Variants in PARP8 observed in about 807,000 individuals in gnomAD.
The protein encoded by PARP8 is protein mono-ADP-ribosyltransferase PARP8.
A neutral mutation model predicts 124.1 loss-of-function variants in PARP8; 51 were observed. The observed-to-expected ratio is 0.41, with a 90% CI of 0.33 to 0.52. PARP8 has a LOEUF of 0.52. Among genes scored for constraint, PARP8 ranks in the 20% least tolerant of loss-of-function variants. The pLI, the probability that PARP8 is intolerant of heterozygous loss-of-function variation, is 0.21. For synonymous variants in PARP8, 391 were observed against 361.5 expected (o/e 1.08, Z -0.93); for missense variants, 860 against 1,018.9 (o/e 0.84, Z 2.12).
At position 50,824,805 on chromosome 5, in the gene PARP8, A is replaced by T. The variant is rs536888161; in HGVS notation, c.1861-103A>T. On this transcript the variant is annotated intron_variant, in intron 17 of 25. Coordinates refer to ENST00000281631, the MANE Select transcript of PARP8 (RefSeq NM_024615.4). ...CCCATGTTAAGTCCATAAATTTTTAAGTCTTACTAGATTAGGCATATCGTT... is the reference window on the plus strand; with the variant it reads ...CCCATGTTAAGTCCATAAATTTTTATGTCTTACTAGATTAGGCATATCGTT... The T allele has an allele frequency of 3.7e-6, 3 of 816,282 alleles. No homozygotes were observed. The Admixed American group carries it at 6.5e-5, about 18-fold the overall frequency. 50.6% of individuals were successfully genotyped at this position (816,282 alleles called of 1,614,324 possible). A position where few individuals can be genotyped will look rare whatever the true frequency, so the allele number is the denominator to read the frequency against.
intron 2 of PARP8, among the ~76,000 whole-genome samples, chr5:50,675,735 T>C (rs1178843663): frequency 6.6e-6 from 1 of 152,232 alleles, no homozygotes; most frequent in Non-Finnish European, 1.5e-5. Flanking sequence ...TTTACATTTG[T>C]TAGCCTTTCA....
intron 25 of PARP8, among the ~76,000 whole-genome samples, chr5:50,837,250 T>G (rs1747686441): frequency 6.6e-6 from 1 of 152,162 alleles, no homozygotes; most frequent in Non-Finnish European, 1.5e-5. Context: ...GATTTCATCC[T>G]TTTTGCACCC....
chr5:50,722,249 C>T (rs1374415747), intron 2 of PARP8, among the ~76,000 whole-genome samples: 3 of 151,900 alleles, frequency 2.0e-5, no homozygotes, highest in Non-Finnish European at 4.4e-5. Context: ...AACTGAAGTT[C>T]GATAGTTAAG....
chr5:50,683,584 G>C (rs894297439), intron 2 of PARP8, among the ~76,000 whole-genome samples: 2 of 151,870 alleles, frequency 1.3e-5, no homozygotes, highest in African/African-American at 4.8e-5. Context: ...AGCAATAGTT[G>C]ATCTTTGATT....
chr5:50,741,207 C>A (rs144813030), intron 2 of PARP8, among the ~76,000 whole-genome samples: 5 of 152,058 alleles, frequency 3.3e-5, no homozygotes, highest in Admixed American at 6.5e-5. Flanking sequence ...ATTAAACTTT[C>A]GGGATGCAAT....
intron 14 of PARP8, 79 bp from the exon 15 acceptor site, chr5:50,815,353 T>C: frequency 1.0e-6 from 1 of 974,618 alleles, no homozygotes; most frequent in African/African-American, 1.7e-5. Context: ...TTCTATTTAT[T>C]ATGTGAAATG....
At chr5:50,734,953 A>G (rs1391027702) in intron 2 of PARP8, among the ~76,000 whole-genome samples, 2 of 152,136 alleles carry the variant, frequency 1.3e-5, no homozygotes, top group Non-Finnish European at 2.9e-5. Context: ...TTCAAATCAT[A>G]ACAATTAATA....
chr5:50,716,413 C>T (rs1755325254), intron 2 of PARP8, among the ~76,000 whole-genome samples: 1 of 152,016 alleles, frequency 6.6e-6, no homozygotes, highest in Non-Finnish European at 1.5e-5. Context: ...GCAGAGGGAG[C>T]TGGCTTTATA....
intron 7 of PARP8, among the ~76,000 whole-genome samples, chr5:50,772,527 T>G (rs1319555362): frequency 6.6e-6 from 1 of 152,228 alleles, no homozygotes; most frequent in African/African-American, 2.4e-5. Context: ...TTTTTTAATC[T>G]TTTTGCTAAC....
At chr5:50,671,237 TC>T (rs1472333693) in intron 2 of PARP8, among the ~76,000 whole-genome samples, 1 of 152,198 alleles carries the variant, frequency 6.6e-6, no homozygotes, top group Non-Finnish European at 1.5e-5. Context: ...GGGCTTCTGT[TC>T]CTTTCACTTG....
At chr5:50,748,030 CA>C (rs1483620629) in intron 2 of PARP8, among the ~76,000 whole-genome samples, 1 of 151,988 alleles carries the variant, frequency 6.6e-6, no homozygotes, top group Non-Finnish European at 1.5e-5. Flanking sequence ...CATTAACATT[CA>C]ATGAAGTTAT....
intron 7 of PARP8, among the ~76,000 whole-genome samples, chr5:50,767,789 G>C (rs1288835167): frequency 3.3e-5 from 5 of 152,112 alleles, no homozygotes. Flanking sequence ...TCTCTCCCAC[G>C]CTGGGCAAAA....
chr5:50,835,116 A>G (rs1380451109), intron 25 of PARP8, 101 bp downstream of exon 25: 1 of 855,280 alleles, frequency 1.2e-6, no homozygotes, highest in Admixed American at 2.4e-5. Flanking sequence ...AAAATATAAC[A>G]GGTAATTGAG....
At chr5:50,839,689 TC>T (rs35377321) in intron 25 of PARP8, among the ~76,000 whole-genome samples, 1 of 151,512 alleles carries the variant, frequency 6.6e-6, no homozygotes, top group African/African-American at 2.4e-5. Flanking sequence ...TCTCTCTCTC[TC>T]TAGTTCTCAC....
intron 24 of PARP8, 186 bp from the exon 25 acceptor site, chr5:50,834,745 G>A: frequency 1.6e-6 from 1 of 611,568 alleles, no homozygotes; most frequent in South Asian, 1.8e-5. Flanking sequence ...TTATAAAGTT[G>A]TTACATGGTC....
chr5:50,706,108 T>G (rs529568941), intron 2 of PARP8, among the ~76,000 whole-genome samples: 16 of 152,282 alleles, frequency 1.1e-4, no homozygotes, highest in African/African-American at 3.8e-4. Flanking sequence ...AAGGTACTGT[T>G]TCCCCCATTC....
At chr5:50,756,390 C>T (rs1381149359) in intron 3 of PARP8, among the ~76,000 whole-genome samples, 3 of 152,034 alleles carry the variant, frequency 2.0e-5, no homozygotes, top group African/African-American at 7.2e-5. Context: ...CTTTCTTTAA[C>T]CCTTTTTACG....
Position 50,842,023 on chromosome 5 carries a change from C to T in PARP8, c.2520C>T (p.His840=), listed in dbSNP as rs1580533050. The T allele has an allele frequency of 5.0e-6, 8 of 1,605,810 alleles. No homozygotes were observed. The highest frequency in any genetic ancestry group is 1.3e-5 in the African/African-American group (1 of 74,290). Residue 840 remains histidine, a synonymous_variant, in exon 26 of 26, where the codon CAC becomes CAT. Coordinates refer to ENST00000281631, the MANE Select transcript of PARP8 (RefSeq NM_024615.4). ...TTAATACACAAGAAGGAGGCATTCA[C>T]AAAGAGATCCTCCGAGTAATTGGTA... ...ANINTQEGGI[H]KEILRVIGNQ...
chr5:50,714,605 G>C (rs1317390442), intron 2 of PARP8, among the ~76,000 whole-genome samples: 1 of 152,096 alleles, frequency 6.6e-6, no homozygotes. Context: ...TTATTTCCAT[G>C]TCACAAAGGA....
Sources: gnomAD v4.1 joint callset for allele counts (sites outside exome capture counted in the v4.1 genomes callset) on GRCh38, gnomAD v4.1.1 for gene constraint, MANE v1.5 for transcripts, NCBI Gene and HGNC (gene_info 2026-07-23, HGNC 2026-07-21) for gene names.